DAB2IP: variants seen among roughly 807,000 people sequenced by gnomAD.
DAB2IP encodes DAB2 interacting protein, also known as disabled homolog 2-interacting protein.
DAB2IP carries 28 observed loss-of-function variants against 107.2 expected under a neutral mutation model. That is an observed-to-expected ratio of 0.26 (90% CI 0.19 to 0.36). The LOEUF (loss-of-function observed/expected upper bound fraction) is 0.36. DAB2IP is among the 10% of genes least tolerant of loss of function. The probability of loss-of-function intolerance (pLI) is 1.00; values close to 1 mark genes in which losing one functional copy is unlikely to be tolerated. For missense variants in DAB2IP, 1,400 were observed against 1,644.7 expected, an observed-to-expected ratio of 0.85 and a Z score of 2.57; for synonymous variants, 755 against 706.4, an observed-to-expected ratio of 1.07 and a Z score of -1.09.
intron 2 of DAB2IP, among the ~76,000 whole-genome samples, chr9:121,688,863 T>G (rs1829021246): frequency 6.6e-6 from 1 of 152,086 alleles, no homozygotes; most frequent in African/African-American, 2.4e-5. Flanking sequence ...AGCCGTGACC[T>G]CTCCACTTCT....
intron 15 of DAB2IP, 56 bp downstream of exon 15, chr9:121,781,607 G>A (rs1458411024): frequency 3.3e-5 from 50 of 1,520,694 alleles, no homozygotes; most frequent in Non-Finnish European, 4.1e-5. Flanking sequence ...GGGATTAGGA[G>A]GGGTGACTAG....
At chr9:121,690,370 G>T (rs942297773) in intron 2 of DAB2IP, among the ~76,000 whole-genome samples, 3 of 152,152 alleles carry the variant, frequency 2.0e-5, no homozygotes, top group East Asian at 3.9e-4. Flanking sequence ...TGCTGCAGGG[G>T]TGTAACCTCC....
intron 12 of DAB2IP, among the ~76,000 whole-genome samples, chr9:121,773,854 C>T (rs940413889): frequency 5.9e-5 from 9 of 152,328 alleles, no homozygotes; most frequent in East Asian, 1.9e-4. Context: ...ACAGGCTGGA[C>T]AGGCCTTCAG....
intron 3 of DAB2IP, among the ~76,000 whole-genome samples, chr9:121,753,855 C>T (rs1040996120): frequency 6.6e-6 from 1 of 152,202 alleles, no homozygotes; most frequent in African/African-American, 2.4e-5. Flanking sequence ...TGAGCCTATC[C>T]CTGCCCCTTT....
At chr9:121,612,358 T>A (rs1428452039) in intron 1 of DAB2IP, among the ~76,000 whole-genome samples, 2 of 152,052 alleles carry the variant, frequency 1.3e-5, no homozygotes, top group Non-Finnish European at 2.9e-5. Flanking sequence ...ATGTGAATGA[T>A]TTTTCTCTTG....
At chr9:121,759,832 G>A (rs1323106551) in intron 5 of DAB2IP, 53 bp from the exon 6 acceptor site, 2 of 1,519,190 alleles carry the variant, frequency 1.3e-6, no homozygotes, top group Admixed American at 3.7e-5. Context: ...GGCTGGTTGG[G>A]GGTTGCACGT....
chr9:121,708,754 C>G (rs1454403495), intron 3 of DAB2IP, among the ~76,000 whole-genome samples: 1 of 152,242 alleles, frequency 6.6e-6, no homozygotes, highest in Non-Finnish European at 1.5e-5. Context: ...TCCGCCAAGT[C>G]AAATTCCACA....
intron 1 of DAB2IP, among the ~76,000 whole-genome samples, chr9:121,617,881 C>T (rs779570385): frequency 2.0e-5 from 3 of 152,040 alleles, no homozygotes; most frequent in East Asian, 1.9e-4. Flanking sequence ...GGAGGGGAGC[C>T]GGTTTCTCTG....
At chr9:121,705,753 A>T (rs1830028923) in intron 3 of DAB2IP, among the ~76,000 whole-genome samples, 1 of 152,198 alleles carries the variant, frequency 6.6e-6, no homozygotes, top group Non-Finnish European at 1.5e-5. Flanking sequence ...GGCAGAGCCC[A>T]GGCCCAGGTG....
At chr9:121,775,544 G>A (rs151112105) in intron 13 of DAB2IP, among the ~76,000 whole-genome samples, 12 of 152,170 alleles carry the variant, frequency 7.9e-5, no homozygotes, top group African/African-American at 9.7e-5. Context: ...CTCGCTCAGC[G>A]CAGAGCACCT....
intron 3 of DAB2IP, among the ~76,000 whole-genome samples, chr9:121,710,127 C>G (rs1018898385): frequency 6.6e-6 from 1 of 152,122 alleles, no homozygotes; most frequent in Non-Finnish European, 1.5e-5. Flanking sequence ...TTTAACCACC[C>G]CACAGTACTG....
intron 13 of DAB2IP, among the ~76,000 whole-genome samples, chr9:121,775,536 C>T (rs1371797461): frequency 2.6e-5 from 4 of 152,210 alleles, no homozygotes; most frequent in South Asian, 2.1e-4. Flanking sequence ...GGCCTTTCCT[C>T]GCTCAGCGCA....
At chr9:121,721,073 A>G (rs1830899895) in intron 3 of DAB2IP, among the ~76,000 whole-genome samples, 1 of 152,180 alleles carries the variant, frequency 6.6e-6, no homozygotes, top group South Asian at 2.1e-4. Context: ...AGTCCTGGGG[A>G]TCACTGTCCA....
intron 1 of DAB2IP, among the ~76,000 whole-genome samples, chr9:121,569,181 G>C (rs552405123): frequency 1.3e-5 from 2 of 152,372 alleles, no homozygotes; most frequent in African/African-American, 4.8e-5. Context: ...GGTCAGGGCA[G>C]CACAGGAAAA....
intron 1 of DAB2IP, among the ~76,000 whole-genome samples, chr9:121,631,839 A>G (rs961056123): frequency 1.0e-4 from 15 of 148,570 alleles, no homozygotes; most frequent in African/African-American, 3.7e-4. Context: ...AAAAAAAAAA[A>G]GAAGCTTGCA....
intron 3 of DAB2IP, among the ~76,000 whole-genome samples, chr9:121,729,952 G>A (rs1831434427): frequency 6.6e-6 from 1 of 152,128 alleles, no homozygotes. Flanking sequence ...CTTGGGAGGT[G>A]TGTGGGTGTG....
intron 3 of DAB2IP, among the ~76,000 whole-genome samples, chr9:121,739,585 G>T (rs1025139423): frequency 6.6e-6 from 1 of 152,166 alleles, no homozygotes; most frequent in African/African-American, 2.4e-5. Flanking sequence ...GATTTCAGAG[G>T]GGGTAGCAGC....
intron 1 of DAB2IP, among the ~76,000 whole-genome samples, chr9:121,577,931 G>C (rs888928004): frequency 6.6e-6 from 1 of 152,082 alleles, no homozygotes; most frequent in Admixed American, 6.6e-5. Flanking sequence ...GGCTGTCCCG[G>C]GTCAGGATCC....
In DAB2IP at chr9:121,701,377, C is replaced by T. The variant is rs956975216; in HGVS notation, c.362+1919C>T. Among the ~76,000 whole-genome samples the T allele has an allele frequency of 6.6e-6, 1 of 152,126 alleles. No individual in the cohort carries two copies. Among genetic ancestry groups the T allele is most frequent in the Admixed American group, 6.5e-5 (1 of 15,274 alleles). On this transcript the variant is annotated intron_variant, in intron 3 of 15. Transcript: ENST00000408936. The surrounding 1 kb of genome is among the most constrained non-coding windows in gnomAD (Gnocchi z 4.7). ...TCAGCCTTGCCACATGCTGAAGGGG[C>T]GCAGAGTGGGGGTTGGGAGTGAAAC...
Sources: gnomAD v4.1 joint callset for allele counts (sites outside exome capture counted in the v4.1 genomes callset) on GRCh38, gnomAD v4.1.1 for gene constraint, Gnocchi (gnomAD v3.1) non-coding constraint, MANE v1.5 for transcripts, NCBI Gene and HGNC (gene_info 2026-07-23, HGNC 2026-07-21) for gene names.